Variants in STXBP3 observed in about 807,000 individuals in gnomAD.
The protein encoded by STXBP3 is syntaxin binding protein 3, also known as syntaxin-binding protein 3.
In STXBP3, 41 loss-of-function variants were observed where a neutral mutation model predicts 85.7. The observed-to-expected ratio is 0.48, with a 90% CI of 0.37 to 0.62. The LOEUF (loss-of-function observed/expected upper bound fraction) is 0.62, where lower values mean the gene tolerates loss of function less well. STXBP3 is among the 20% of genes least tolerant of loss of function. The probability of loss-of-function intolerance (pLI) is 0.00; values close to 1 mark genes in which losing one functional copy is unlikely to be tolerated. For synonymous variants in STXBP3, 229 were observed against 231.7 expected (o/e 0.99, Z 0.10); for missense variants, 563 against 703.1 (o/e 0.80, Z 2.25).
chr1:108,753,199 GGTATTAAATTTTAGTTA>G (rs2101102222), intron 3 of STXBP3, 55 bp downstream of exon 3: 1 of 1,302,060 alleles, frequency 7.7e-7, no homozygotes, highest in Non-Finnish European at 1.0e-6. Context: ...GGAGATCTGA[GGTATTAAATTTTAGTTA>G]GTAGTTGTGT....
Position 108,753,161 on chromosome 1 carries a change from G to T in STXBP3, c.181+17G>T, listed in dbSNP as rs1308418089. The T allele has an allele frequency of 1.3e-6, 2 of 1,508,668 alleles. No individual in the cohort carries two copies. Among genetic ancestry groups the T allele is most frequent in the South Asian group, 1.3e-5 (1 of 74,920 alleles). 93.5% of individuals were successfully genotyped at this position (1,508,668 alleles called of 1,614,324 possible). A position where few individuals can be genotyped will look rare whatever the true frequency, so the allele number is the denominator to read the frequency against. ...GTATTACTGGTAAGTGTTATTCTTGGCATGAACACTTTTTAATTGTAATTG... is the reference window on the plus strand; with the variant it reads ...GTATTACTGGTAAGTGTTATTCTTGTCATGAACACTTTTTAATTGTAATTG... On this transcript the variant is annotated intron_variant, in intron 3 of 18. Transcript: ENST00000370008.
intron 5 of STXBP3, among the ~76,000 whole-genome samples, chr1:108,759,735 G>C (rs1353554709): frequency 6.6e-6 from 1 of 152,166 alleles, no homozygotes; most frequent in Non-Finnish European, 1.5e-5. Flanking sequence ...TGCTCTGTTA[G>C]CAGATCTTTA....
intron 6 of STXBP3, among the ~76,000 whole-genome samples, chr1:108,762,174 G>C (rs1662154438): frequency 1.3e-5 from 2 of 152,184 alleles, no homozygotes; most frequent in African/African-American, 4.8e-5. Context: ...GCAGTCTACT[G>C]TGAAAAGATG....
chr1:108,794,858 GC>G lies in STXBP3; in HGVS notation c.1062del (p.Cys354Ter). On this transcript the variant is annotated frameshift_variant, in exon 13 of 19. Coordinates refer to ENST00000370008, the MANE Select transcript of STXBP3 (RefSeq NM_007269.4). LOFTEE classifies it high-confidence loss of function. The stretch of plus-strand genomic sequence containing the variant: ...GTCCATCTTAACTTAGCAGAAGATT[GC>G]ATGAATAAGTTCAAGCTTAATATAG... ...QVVHLNLAED[C>X]MNKFKLNIEK... is the part of the protein sequence containing the mutation. 1 of 1,610,648 alleles carries G rather than the reference GC, an allele frequency of 6.2e-7. No individual in the cohort carries two copies.
rs761937233 is a variant in STXBP3 at position 108,807,365 on chromosome 1, A to C, written c.1536-36A>C. On this transcript the variant is annotated intron_variant, in intron 17 of 18. Coordinates refer to ENST00000370008, the MANE Select transcript of STXBP3 (RefSeq NM_007269.4). The stretch of plus-strand genomic sequence containing the variant: ...CATTATGGCTTTGGAAATGTTTATA[A>C]CATGTTTACTTTTTTTTTTTTAAAT... The C allele has an allele frequency of 1.9e-6, 3 of 1,581,646 alleles. No homozygotes were observed. In the South Asian group the frequency reaches 3.5e-5, roughly 19 times the overall value.
At chr1:108,807,125 G>A (rs1254421543) in intron 17 of STXBP3, among the ~76,000 whole-genome samples, 7 of 152,092 alleles carry the variant, frequency 4.6e-5, no homozygotes, top group East Asian at 3.9e-4. Context: ...GGTGGCACAT[G>A]CCTGTAATCC....
At position 108,796,804 on chromosome 1, in the gene STXBP3, T is replaced by A. The variant is rs535533899; in HGVS notation, c.1356+78T>A. 2.3e-3 allele frequency: 2,130 copies of A among 939,812 alleles called. 27 individuals are homozygous for A. In the African/African-American group the frequency reaches 0.026, roughly 12 times the overall value. The allele number at this position is 939,812 out of a possible 1,614,324, so 58.2% of individuals were successfully genotyped here. ...GTATGTATTAACTGTTTTTTTTTTT[T>A]ATGTGGACAGTCTTCTTAAGTTCAC... On this transcript the variant is annotated intron_variant, in intron 15 of 18. Coordinates refer to ENST00000370008, the MANE Select transcript of STXBP3 (RefSeq NM_007269.4).
chr1:108,752,240 C>T lies in STXBP3; in HGVS notation c.50-17C>T, dbSNP rs202098977. 115 of 1,597,510 alleles carry T rather than the reference C, an allele frequency of 7.2e-5. No homozygotes were observed. In the African/African-American group the frequency reaches 1.4e-3, roughly 19 times the overall value. On this transcript the variant is annotated splice_polypyrimidine_tract_variant and intron_variant, in intron 1 of 18. Coordinates refer to ENST00000370008, the MANE Select transcript of STXBP3 (RefSeq NM_007269.4). Reference sequence around the variant, plus strand: ...TGTTTATTTAATTCCTAAGTAATTCCTTTCTTTTTTAAACAGAGATAAAAG... The same window carrying T: ...TGTTTATTTAATTCCTAAGTAATTCTTTTCTTTTTTAAACAGAGATAAAAG...
chr1:108,760,159 TA>T, intron 6 of STXBP3, 74 bp downstream of exon 6: 1 of 778,416 alleles, frequency 1.3e-6, no homozygotes, highest in East Asian at 2.9e-5. Context: ...TAATAAAGTA[TA>T]TTCTGAAGAT....
intron 11 of STXBP3, among the ~76,000 whole-genome samples, chr1:108,786,214 A>C (rs1759486): frequency 6.6e-6 from 1 of 151,996 alleles, no homozygotes; most frequent in East Asian, 1.9e-4. Context: ...AGTCATGGTG[A>C]AAGGCACCTC....
At chr1:108,767,430 G>A in intron 6 of STXBP3, 1 of 196,162 alleles carries the variant, frequency 5.1e-6, no homozygotes, top group Non-Finnish European at 1.1e-5. Context: ...TTTAACTTGA[G>A]CTTTATCACA....
chr1:108,758,960 T>C (rs1195779247), intron 5 of STXBP3: 1 of 152,958 alleles, frequency 6.5e-6, no homozygotes, highest in East Asian at 1.9e-4. Flanking sequence ...AGGGATTTGA[T>C]TCTCTTGTGA....
Position 108,771,794 on chromosome 1 carries a change from CTA to C in STXBP3, c.439-863_439-862del, listed in dbSNP as rs368203542. On this transcript the variant is annotated intron_variant, in intron 6 of 18. Transcript: ENST00000370008. Reference sequence around the variant, plus strand: ...TCATATATAAATATATGATATCTATCTATATATATCATATATAAATATATGAT... The same window carrying C: ...TCATATATAAATATATGATATCTATCTATATATCATATATAAATATATGAT... 2.8e-3 allele frequency among the ~76,000 whole-genome samples: 71 copies of C among 25,754 alleles called. 17 individuals carry two copies. Among genetic ancestry groups the C allele is most frequent in the East Asian group, 6.5e-3 (19 of 2,902 alleles). 16.9% of individuals were successfully genotyped at this position (25,754 alleles called of 152,430 possible). A position where few individuals can be genotyped will look rare whatever the true frequency, so the allele number is the denominator to read the frequency against.
chr1:108,777,799 C>T (rs1265218757), intron 8 of STXBP3, among the ~76,000 whole-genome samples: 2 of 152,048 alleles, frequency 1.3e-5, no homozygotes, highest in Non-Finnish European at 2.9e-5. Flanking sequence ...CTCTTCAGGC[C>T]AAGTGTTGCT....
intron 6 of STXBP3, chr1:108,767,701 A>C (rs889425253): frequency 1.3e-5 from 2 of 152,552 alleles, no homozygotes; most frequent in African/African-American, 4.8e-5. Flanking sequence ...CTCCCGCCTC[A>C]GCCTCCCAAG....
chr1:108,799,732 T>C (rs1400879130), intron 16 of STXBP3, among the ~76,000 whole-genome samples: 28 of 152,178 alleles, frequency 1.8e-4, no homozygotes, highest in Admixed American at 1.8e-3. Context: ...ATAATCTATG[T>C]ATACAGTATA....
intron 5 of STXBP3, among the ~76,000 whole-genome samples, chr1:108,759,747 G>C (rs1662095147): frequency 6.6e-6 from 1 of 152,114 alleles, no homozygotes; most frequent in Non-Finnish European, 1.5e-5. Context: ...AGATCTTTAA[G>C]GAAATACATC....
rs563218167 is a variant in STXBP3 at position 108,792,314 on chromosome 1, A to G, written c.964-1268A>G. ...TTTGAAGTCTTTTTCTGCCAACAACATCTTAGGTCTACTTTTTGGGAGTTT... is the reference window on the plus strand; with the variant it reads ...TTTGAAGTCTTTTTCTGCCAACAACGTCTTAGGTCTACTTTTTGGGAGTTT... On this transcript the variant is annotated intron_variant, in intron 11 of 18. Coordinates refer to ENST00000370008, the MANE Select transcript of STXBP3 (RefSeq NM_007269.4). Among the ~76,000 whole-genome samples, 63 of 152,258 alleles carry G rather than the reference A, an allele frequency of 4.1e-4. 1 individual carries two copies. The highest frequency in any genetic ancestry group is 3.4e-3 in the Middle Eastern group (1 of 294).
intron 12 of STXBP3, among the ~76,000 whole-genome samples, chr1:108,794,541 C>T (rs926567661): frequency 6.6e-6 from 1 of 152,192 alleles, no homozygotes; most frequent in African/African-American, 2.4e-5. Flanking sequence ...TGGGGAAAAT[C>T]ACTCCCATCA....
Sources: gnomAD v4.1 joint callset for allele counts (sites outside exome capture counted in the v4.1 genomes callset) on GRCh38, gnomAD v4.1.1 for gene constraint, MANE v1.5 for transcripts, NCBI Gene and HGNC (gene_info 2026-07-23, HGNC 2026-07-21) for gene names.